The following INSYN2B variants were observed in gnomAD, a reference collection of about 807,000 sequenced individuals.
INSYN2B encodes inhibitory synaptic factor family member 2B.
A neutral mutation model predicts 41.2 loss-of-function variants in INSYN2B; 16 were observed. That is an observed-to-expected ratio of 0.39 (90% CI 0.26 to 0.59). The LOEUF (loss-of-function observed/expected upper bound fraction) is 0.59. INSYN2B is among the 20% of genes least tolerant of loss of function. INSYN2B has a pLI of 0.57. For synonymous variants in INSYN2B, 245 were observed against 244.4 expected (o/e 1.00, Z -0.02); for missense variants, 608 against 646.4 (o/e 0.94, Z 0.64).
At chr5:169,908,371 G>C (rs1309757026) in intron 1 of INSYN2B, among the ~76,000 whole-genome samples, 1 of 151,980 alleles carries the variant, frequency 6.6e-6, no homozygotes, top group Non-Finnish European at 1.5e-5. Context: ...ATGCATATAG[G>C]CATACTCATA....
At chr5:169,877,133 C>T (rs540169432) in intron 3 of INSYN2B, among the ~76,000 whole-genome samples, 63 of 152,278 alleles carry the variant, frequency 4.1e-4, no homozygotes, top group African/African-American at 1.4e-3. Context: ...GCAGAAAAGA[C>T]GTCCCAGGAA....
At chr5:169,928,344 AG>A (rs1262777193) in intron 1 of INSYN2B, among the ~76,000 whole-genome samples, 3 of 152,222 alleles carry the variant, frequency 2.0e-5, no homozygotes, top group Non-Finnish European at 4.4e-5. Context: ...CTGCCTTACC[AG>A]GGATGCCCTA....
intron 3 of INSYN2B, among the ~76,000 whole-genome samples, chr5:169,877,092 G>T (rs1001802861): frequency 1.7e-4 from 26 of 152,206 alleles, no homozygotes; most frequent in Admixed American, 4.6e-4. Flanking sequence ...CATTTAAGCT[G>T]CAAGACTAAG....
intron 1 of INSYN2B, among the ~76,000 whole-genome samples, chr5:169,959,866 G>A (rs1191909430): frequency 1.3e-5 from 2 of 152,208 alleles, no homozygotes; most frequent in Non-Finnish European, 2.9e-5. Context: ...AAGAGGTTTG[G>A]CCAGGAAAAG....
intron 1 of INSYN2B, among the ~76,000 whole-genome samples, chr5:169,973,274 C>T (rs78113585): frequency 0.026 from 4,014 of 152,264 alleles, 176 homozygotes; most frequent in African/African-American, 0.091. Flanking sequence ...CACAATGCAG[C>T]TGCCCTCATT....
At chr5:169,928,232 G>T (rs549224389) in intron 1 of INSYN2B, among the ~76,000 whole-genome samples, 1 of 152,292 alleles carries the variant, frequency 6.6e-6, no homozygotes, top group South Asian at 2.1e-4. Flanking sequence ...AGCAGGAGGG[G>T]TCTACAGTTA....
chr5:169,953,381 C>G (rs1221828495), intron 1 of INSYN2B, among the ~76,000 whole-genome samples: 1 of 150,360 alleles, frequency 6.7e-6, no homozygotes, highest in Non-Finnish European at 1.5e-5. Context: ...TAGAATAAGA[C>G]TGGAGTGTGA....
chr5:169,912,862 A>G (rs931759558), intron 1 of INSYN2B, among the ~76,000 whole-genome samples: 5 of 151,676 alleles, frequency 3.3e-5, no homozygotes, highest in African/African-American at 4.9e-5. Flanking sequence ...CAATCAACTC[A>G]TTTGAATAGA....
In INSYN2B at chr5:169,861,748, T is replaced by C. The variant is rs535494716; in HGVS notation, c.*2525A>G. On this transcript the variant is annotated 3_prime_UTR_variant, in exon 4 of 4. Coordinates refer to ENST00000377365, the MANE Select transcript of INSYN2B (RefSeq NM_001129891.3). ...CGACCATTTTTGTTCATCAGGAAAA[T>C]GTTTATGGAATCCTATTTCCTCATA... is the stretch of plus-strand genomic sequence containing the variant. Among the ~76,000 whole-genome samples, 21 of 152,214 alleles carry C rather than the reference T, an allele frequency of 1.4e-4. No individual in the cohort carries two copies. Among genetic ancestry groups the C allele is most frequent in the Non-Finnish European group, 2.5e-4 (17 of 68,002 alleles).
chr5:169,966,472 G>A (rs992374484), intron 1 of INSYN2B, among the ~76,000 whole-genome samples: 3 of 152,136 alleles, frequency 2.0e-5, no homozygotes, highest in African/African-American at 7.2e-5. Context: ...TCCACTTAGG[G>A]AATGTAATCA....
intron 1 of INSYN2B, among the ~76,000 whole-genome samples, chr5:169,908,570 C>A (rs1016331703): frequency 6.6e-6 from 1 of 152,026 alleles, no homozygotes. Flanking sequence ...GGGTCCTGGA[C>A]GTTTTTGTCT....
intron 3 of INSYN2B, among the ~76,000 whole-genome samples, chr5:169,871,747 C>T (rs1342618200): frequency 6.6e-6 from 1 of 152,136 alleles, no homozygotes; most frequent in African/African-American, 2.4e-5. Flanking sequence ...TCCTGGATGA[C>T]CTCACAGTCC....
In INSYN2B at chr5:169,882,709, C is replaced by T; in HGVS notation, c.1190G>A (p.Ser397Asn). 6.4e-7 allele frequency: 1 copy of T among 1,552,038 alleles called. No homozygotes were observed. Among genetic ancestry groups the T allele is most frequent in the Non-Finnish European group, 8.7e-7 (1 of 1,147,022 alleles). ...ETKLQSNREISDINQIHLARG... is the reference protein window; with the variant it reads ...ETKLQSNREINDINQIHLARG... ...TGCCAGGTGAATTTGATTAATGTCA[C>T]TAATCTCCCTGTTGCTCTGAAGTTT... The change falls in exon 2 of 4, where the codon AGT becomes AAT. Residue 397 changes from serine (S) to asparagine (N), a missense_variant. Ser to Asn is a conservative substitution (Grantham distance 46). Coordinates refer to ENST00000377365, the MANE Select transcript of INSYN2B (RefSeq NM_001129891.3).
At position 169,863,400 on chromosome 5, in the gene INSYN2B, G is replaced by A. The variant is rs1004884680; in HGVS notation, c.*873C>T. Among the ~76,000 whole-genome samples, 3 of 152,206 alleles carry A rather than the reference G, an allele frequency of 2.0e-5. No individual in the cohort carries two copies. The highest frequency in any genetic ancestry group is 1.9e-4 in the East Asian group (1 of 5,200). ...CTCATAAGATGTAACTGATGGACAG[G>A]TTGCTGGATCTCATGATTTTAAATA... On this transcript the variant is annotated 3_prime_UTR_variant, in exon 4 of 4. Transcript: ENST00000377365.
chr5:169,925,075 A>G (rs371677553), intron 1 of INSYN2B, among the ~76,000 whole-genome samples: 2 of 152,098 alleles, frequency 1.3e-5, no homozygotes, highest in South Asian at 2.1e-4. Context: ...TTCTTTCTCT[A>G]TTATTCTTTT....
At chr5:169,947,645 T>C (rs1220008966) in intron 1 of INSYN2B, among the ~76,000 whole-genome samples, 1 of 152,120 alleles carries the variant, frequency 6.6e-6, no homozygotes, top group African/African-American at 2.4e-5. Flanking sequence ...AAAATGAAAA[T>C]GAATATCCCC....
rs776010809 is a variant in INSYN2B, at chr5:169,883,227, G to T, written c.672C>A (p.Asp224Glu). The T allele has an allele frequency of 4.1e-5, 63 of 1,551,538 alleles. No homozygotes were observed. In the South Asian group the frequency reaches 7.5e-4, roughly 18 times the overall value. ...TGGAGTTACTTACTTCAGCTGACCT[G>T]TCTGGGCTGAGAGCAGACTCTCTAG... ...WEARESALSP[D>E]RSAEVSNSIH... The change falls in exon 2 of 4, where the codon GAC becomes GAA. Residue 224 changes from aspartate to glutamate, a missense_variant. Physicochemically the swap from Asp to Glu is conservative, Grantham distance 45. Transcript: ENST00000377365.
intron 1 of INSYN2B, among the ~76,000 whole-genome samples, chr5:169,936,431 G>C (rs1460851516): frequency 6.6e-6 from 1 of 152,110 alleles, no homozygotes; most frequent in Non-Finnish European, 1.5e-5. Flanking sequence ...GATTCTCAAA[G>C]GTATCACAGC....
At chr5:169,977,336 G>C (rs979748147) in intron 1 of INSYN2B, among the ~76,000 whole-genome samples, 1 of 152,210 alleles carries the variant, frequency 6.6e-6, no homozygotes, top group African/African-American at 2.4e-5. Context: ...GGTAGGCGGA[G>C]TCATCATTTC....
Sources: allele counts gnomAD v4.1 joint callset (sites outside exome capture counted in the v4.1 genomes callset), GRCh38; gene constraint gnomAD v4.1.1; transcripts MANE v1.5; gene names NCBI Gene and HGNC (gene_info 2026-07-23, HGNC 2026-07-21).